ABAT: variants seen among roughly 807,000 people sequenced by gnomAD.
ABAT encodes 4-aminobutyrate aminotransferase, mitochondrial.
ABAT carries 45 observed loss-of-function variants against 64.6 expected under a neutral mutation model. That is an observed-to-expected ratio of 0.70 (90% CI 0.55 to 0.89). The LOEUF is 0.89. Ranked by LOEUF, ABAT falls within the 40% of genes least tolerant of loss-of-function variation. The probability of loss-of-function intolerance (pLI) is 0.00; values close to 1 mark genes in which losing one functional copy is unlikely to be tolerated. For missense variants in ABAT, 633 were observed against 658.4 expected, an observed-to-expected ratio of 0.96 and a Z score of 0.42; for synonymous variants, 297 against 250.5, an observed-to-expected ratio of 1.19 and a Z score of -1.75.
Position 8,764,139 on chromosome 16 carries a change from C to A in ABAT, c.437C>A (p.Ser146Tyr). 6.2e-7 allele frequency: 1 copy of A among 1,613,436 alleles called. No individual in the cohort carries two copies. The highest frequency in any genetic ancestry group is 8.5e-7 in the Non-Finnish European group (1 of 1,179,978). The change falls in exon 7 of 16, where the codon TCC becomes TAC. Residue 146 changes from serine (S) to tyrosine (Y), a missense_variant. By Grantham distance (144) the Ser-to-Tyr change is moderately radical. Coordinates refer to ENST00000268251, the MANE Select transcript of ABAT (RefSeq NM_020686.6). The surrounding 1 kb of genome is among the most constrained non-coding windows in gnomAD (Gnocchi z 4.2). ...PENFVEKLRQ[S>Y]LLSVAPKGMS... Reference sequence around the variant, plus strand: ...AACTTTGTGGAGAAGCTCCGGCAGTCCTTGCTCTCGGTGAGTTCTGGAGAA... The same window carrying A: ...AACTTTGTGGAGAAGCTCCGGCAGTACTTGCTCTCGGTGAGTTCTGGAGAA...
intron 9 of ABAT, 150 bp from the exon 10 acceptor site, chr16:8,768,043 A>G: frequency 2.5e-6 from 2 of 793,902 alleles, no homozygotes; most frequent in South Asian, 1.4e-5. Flanking sequence ...TCTTGGATAT[A>G]GACCCCATTG....
intron 5 of ABAT, among the ~76,000 whole-genome samples, chr16:8,756,690 A>AT (rs2059658005): frequency 1.3e-5 from 2 of 152,220 alleles, no homozygotes; most frequent in Admixed American, 1.3e-4. Context: ...AACTCAGCAC[A>AT]AATAAATCTC....
intron 1 of ABAT, among the ~76,000 whole-genome samples, chr16:8,702,193 GA>G (rs2057838646): frequency 6.6e-6 from 1 of 152,202 alleles, no homozygotes; most frequent in South Asian, 2.1e-4. Context: ...ATCATGGCAG[GA>G]GGTGAAGGGG....
chr16:8,739,394 C>G (rs1180345034), intron 2 of ABAT, among the ~76,000 whole-genome samples: 1 of 152,182 alleles, frequency 6.6e-6, no homozygotes, highest in Non-Finnish European at 1.5e-5. Context: ...CATATCCTTC[C>G]TATTTCACAA....
intron 1 of ABAT, among the ~76,000 whole-genome samples, chr16:8,724,268 A>G (rs1273397): frequency 0.98 from 148,713 of 152,220 alleles, 72,755 homozygotes; most frequent in Middle Eastern, 1. Context: ...CTGAAAACCT[A>G]AAAGAGTGCT....
intron 2 of ABAT, among the ~76,000 whole-genome samples, chr16:8,737,950 AAGG>A (rs1429183068): frequency 1.4e-4 from 2 of 14,046 alleles, no homozygotes; most frequent in African/African-American, 2.6e-4. Context: ...GAAAGGAAGA[AAGG>A]AAGGAAGGAA....
At chr16:8,757,854 A>T in intron 6 of ABAT, 48 bp downstream of exon 6, 18 of 1,580,124 alleles carry the variant, frequency 1.1e-5, no homozygotes, top group Non-Finnish European at 1.6e-5. Context: ...GTTCATGGCC[A>T]TTCACAGAAT....
chr16:8,732,025 T>TTA (rs202111798), intron 1 of ABAT, among the ~76,000 whole-genome samples: 5,451 of 151,802 alleles, frequency 0.036, 235 homozygotes, highest in African/African-American at 0.11. Context: ...GGGTAATTTT[T>TTA]TATGTTTGGT....
intron 6 of ABAT, among the ~76,000 whole-genome samples, chr16:8,761,654 C>G (rs1393558209): frequency 6.6e-6 from 1 of 152,196 alleles, no homozygotes; most frequent in Non-Finnish European, 1.5e-5. Context: ...CAGCTGACCT[C>G]CACGGGCTAA....
At chr16:8,729,828 T>TAAA (rs5815494) in intron 1 of ABAT, among the ~76,000 whole-genome samples, 89,080 of 128,106 alleles carry the variant, frequency 0.7, 31,835 homozygotes, top group Non-Finnish European at 0.77. Flanking sequence ...TTTTTTGTCT[T>TAAA]AAAAAAAAAA....
intron 1 of ABAT, among the ~76,000 whole-genome samples, chr16:8,686,625 A>G (rs1400126030): frequency 1.3e-5 from 2 of 152,276 alleles, no homozygotes; most frequent in African/African-American, 4.8e-5. Context: ...AGAAAGGATG[A>G]CTGACTCGCC....
intron 1 of ABAT, among the ~76,000 whole-genome samples, chr16:8,690,002 G>A (rs755504177): frequency 2.0e-5 from 3 of 152,164 alleles, no homozygotes; most frequent in Non-Finnish European, 4.4e-5. Context: ...CAGATTTAGG[G>A]TAGTTCCAAG....
chr16:8,732,753 G>C (rs1043589737), intron 1 of ABAT, among the ~76,000 whole-genome samples: 1 of 150,806 alleles, frequency 6.6e-6, no homozygotes, highest in East Asian at 2.0e-4. Flanking sequence ...TCCCAGACGG[G>C]GTGGTGGCCG....
intron 1 of ABAT, among the ~76,000 whole-genome samples, chr16:8,693,746 A>G (rs115870961): frequency 0.024 from 3,646 of 152,180 alleles, 144 homozygotes; most frequent in African/African-American, 0.083. Flanking sequence ...TGGGATTACG[A>G]GTATAAGCCA....
chr16:8,692,669 G>T (rs868190609), intron 1 of ABAT, among the ~76,000 whole-genome samples: 2 of 152,218 alleles, frequency 1.3e-5, no homozygotes, highest in Non-Finnish European at 2.9e-5. Context: ...AACATGGTAT[G>T]CCAAAGGTCA....
chr16:8,750,480 T>C lies in ABAT; in HGVS notation c.257T>C (p.Val86Ala). The change falls in exon 5 of 16, where the codon GTT (valine) becomes GCT (alanine). Residue 86 changes from valine (V) to alanine (A), a missense_variant. Physicochemically the swap from Val to Ala is moderately conservative, Grantham distance 64 (BLOSUM62 0). Transcript: ENST00000268251. Reference protein sequence around the residue: ...NYEESRGNYLVDVDGNRMLDL... With the variant: ...NYEESRGNYLADVDGNRMLDL... The stretch of plus-strand genomic sequence containing the variant: ...GAAGAGAGCCGAGGCAATTACCTGG[T>C]TGATGTGGACGGCAACCGAATGCTG... 1 of 1,614,198 alleles carries C rather than the reference T, an allele frequency of 6.2e-7. No homozygotes were observed.
chr16:8,777,447 G>A (rs939893415), intron 14 of ABAT, among the ~76,000 whole-genome samples: 3 of 152,294 alleles, frequency 2.0e-5, no homozygotes, highest in Middle Eastern at 6.8e-3. Context: ...CAATAGGAAG[G>A]AAAAAGAAGG....
intron 1 of ABAT, among the ~76,000 whole-genome samples, chr16:8,704,268 C>G (rs768087021): frequency 6.6e-6 from 1 of 152,212 alleles, no homozygotes; most frequent in Non-Finnish European, 1.5e-5. Context: ...GGAAACCAAA[C>G]GGAACACAGA....
intron 3 of ABAT, among the ~76,000 whole-genome samples, chr16:8,746,805 C>G (rs897606565): frequency 1.3e-5 from 2 of 152,104 alleles, no homozygotes; most frequent in African/African-American, 4.8e-5. Flanking sequence ...CAAACAGCCA[C>G]AAAAATCCCA....
Sources: allele counts gnomAD v4.1 joint callset (sites outside exome capture counted in the v4.1 genomes callset), GRCh38; gene constraint gnomAD v4.1.1; non-coding constraint Gnocchi (gnomAD v3.1); transcripts MANE v1.5; gene names NCBI Gene and HGNC (gene_info 2026-07-23, HGNC 2026-07-21).